The following SEMA3D variants were observed in gnomAD, a reference collection of about 807,000 sequenced individuals.
SEMA3D encodes the protein semaphorin 3D.
SEMA3D carries 84 observed loss-of-function variants against 100.1 expected under a neutral mutation model. The ratio of observed to expected loss-of-function variants is 0.84; its 90% CI spans 0.70 to 1.01. SEMA3D has a LOEUF of 1.01. Among genes scored for constraint, SEMA3D ranks in the 50% least tolerant of loss-of-function variants. The probability of loss-of-function intolerance (pLI) is 0.00; values close to 1 mark genes in which losing one functional copy is unlikely to be tolerated. For missense variants in SEMA3D, 875 were observed against 934.1 expected (o/e 0.94, Z 0.82); for synonymous variants, 312 against 320.7 (o/e 0.97, Z 0.29).
At chr7:85,137,629 T>A (rs1323681210) in intron 2 of SEMA3D, among the ~76,000 whole-genome samples, 1 of 152,132 alleles carries the variant, frequency 6.6e-6, no homozygotes, top group Non-Finnish European at 1.5e-5. Context: ...ACCCATAGAC[T>A]TCAATCCTGG....
chr7:85,042,393 A>T, intron 9 of SEMA3D, 108 bp from the exon 10 acceptor site: 2 of 763,812 alleles, frequency 2.6e-6, no homozygotes, highest in Non-Finnish European at 2.2e-6. Context: ...TTGTTTACAA[A>T]GACACTGAAC....
intron 17 of SEMA3D, among the ~76,000 whole-genome samples, chr7:85,012,116 C>CT (rs1789971841): frequency 6.6e-6 from 1 of 151,668 alleles, no homozygotes; most frequent in Admixed American, 6.6e-5. Context: ...CACTGGCCTT[C>CT]TCCTTCTTTC....
chr7:85,136,015 A>T (rs1272578012), intron 2 of SEMA3D, among the ~76,000 whole-genome samples: 1 of 152,098 alleles, frequency 6.6e-6, no homozygotes, highest in African/African-American at 2.4e-5. Flanking sequence ...TCCTAAATAA[A>T]TGCAAACCCA....
chr7:85,247,260 C>G, the SEMA3D span, among the ~76,000 whole-genome samples: 1 of 151,976 alleles, frequency 6.6e-6, no homozygotes, highest in African/African-American at 2.4e-5. Context: ...GAAGTAAATC[C>G]ACACACAGAA....
At position 85,150,347 on chromosome 7, in the gene SEMA3D, ATATATATATATATATATATAT is replaced by A. The variant is rs1583970041; in HGVS notation, c.-41+3240_-41+3260del. 3.7e-4 allele frequency among the ~76,000 whole-genome samples: 6 copies of A among 16,102 alleles called. No individual in the cohort carries two copies. In the South Asian group the frequency reaches 5.0e-3, roughly 13 times the overall value. 10.6% of individuals were successfully genotyped at this position (16,102 alleles called of 152,430 possible). On this transcript the variant is annotated intron_variant, in intron 2 of 18. Coordinates refer to ENST00000284136, the MANE Select transcript of SEMA3D (RefSeq NM_001384900.1). Reference sequence around the variant, plus strand: ...TTCTGTTCTAAATACTTTTCTAGAAATATATATATATATATATATATTATATATATATACACACACACATAT... The same window carrying A: ...TTCTGTTCTAAATACTTTTCTAGAAATATATATATATACACACACACATAT...
chr7:85,020,172 C>A, intron 14 of SEMA3D, 61 bp downstream of exon 14: 1 of 1,091,098 alleles, frequency 9.2e-7, no homozygotes, highest in South Asian at 1.3e-5. Flanking sequence ...CAAGGGTGCC[C>A]TATAACAAGC....
intron 17 of SEMA3D, among the ~76,000 whole-genome samples, chr7:85,011,486 A>G (rs1789951714): frequency 6.6e-6 from 1 of 151,778 alleles, no homozygotes; most frequent in African/African-American, 2.4e-5. Flanking sequence ...AAAATTTATC[A>G]TTTGACATAG....
chr7:85,053,494 T>C (rs1791224887), intron 9 of SEMA3D, among the ~76,000 whole-genome samples: 1 of 152,068 alleles, frequency 6.6e-6, no homozygotes, highest in East Asian at 1.9e-4. Context: ...AGGTCTTTTT[T>C]TGTTATTGCT....
chr7:85,172,644 G>A (rs1026593409), intron 1 of SEMA3D, among the ~76,000 whole-genome samples: 6 of 151,938 alleles, frequency 3.9e-5, no homozygotes, highest in African/African-American at 9.7e-5. Context: ...CTTCTGTTAG[G>A]CAACTTGATT....
chr7:85,247,874 T>C, the SEMA3D span, among the ~76,000 whole-genome samples: 2 of 152,174 alleles, frequency 1.3e-5, no homozygotes, highest in East Asian at 3.9e-4. Context: ...ACACAGACCT[T>C]ACCATGCAAA....
intron 12 of SEMA3D, among the ~76,000 whole-genome samples, chr7:85,027,306 C>G (rs1790417563): frequency 6.6e-6 from 1 of 151,526 alleles, no homozygotes; most frequent in African/African-American, 2.4e-5. Context: ...GACTGTCAGA[C>G]ACATCTACAC....
chr7:85,185,484 T>C (rs976396602), intron 1 of SEMA3D, among the ~76,000 whole-genome samples: 18 of 152,202 alleles, frequency 1.2e-4, no homozygotes, highest in African/African-American at 4.1e-4. Context: ...GTTTTGGTGA[T>C]GAAATAAGAG....
At chr7:85,241,471 A>G in the SEMA3D span, among the ~76,000 whole-genome samples, 334 of 117,950 alleles carry the variant, frequency 2.8e-3, 16 homozygotes, top group African/African-American at 4.7e-3. Context: ...GTGTGTGTAT[A>G]TATATATATA....
At chr7:85,105,551 ATATT>A (rs1309875895) in intron 3 of SEMA3D, among the ~76,000 whole-genome samples, 1 of 152,112 alleles carries the variant, frequency 6.6e-6, no homozygotes, top group Non-Finnish European at 1.5e-5. Context: ...TAAAGAAAAA[ATATT>A]AGTCAAATCT....
At chr7:85,134,851 T>G (rs1197176864) in intron 2 of SEMA3D, among the ~76,000 whole-genome samples, 5 of 152,044 alleles carry the variant, frequency 3.3e-5, no homozygotes, top group Non-Finnish European at 7.4e-5. Flanking sequence ...TCTCCCCAAG[T>G]GTCCAAGGAA....
the SEMA3D span, among the ~76,000 whole-genome samples, chr7:85,211,667 CAA>C: frequency 2.6e-5 from 4 of 151,998 alleles, no homozygotes; most frequent in East Asian, 7.7e-4. Context: ...TTGAACAACA[CAA>C]GTTTGAACTG....
Position 85,020,460 on chromosome 7 carries a change from G to A in SEMA3D, c.1415-139C>T, listed in dbSNP as rs1790224959. ...AAAACAGATTAAATGAAACATGCAT[G>A]AACTGAAGCTTAATGTTTAAGTTTT... On this transcript the variant is annotated intron_variant, in intron 13 of 18. Coordinates refer to ENST00000284136, the MANE Select transcript of SEMA3D (RefSeq NM_001384900.1). 9 of 627,256 alleles carry A rather than the reference G, an allele frequency of 1.4e-5. No individual in the cohort carries two copies. In the South Asian group the frequency reaches 1.8e-4, roughly 12 times the overall value. 38.9% of individuals were successfully genotyped at this position (627,256 alleles called of 1,614,324 possible).
chr7:85,029,082 C>T, intron 12 of SEMA3D: 1 of 551,772 alleles, frequency 1.8e-6, no homozygotes, highest in Non-Finnish European at 3.5e-6. Flanking sequence ...GTGATGCTAC[C>T]ATTCCTACCA....
intron 11 of SEMA3D, among the ~76,000 whole-genome samples, chr7:85,037,732 G>A (rs1790740831): frequency 1.3e-5 from 2 of 152,036 alleles, no homozygotes; most frequent in South Asian, 4.2e-4. Context: ...AAAGTATTAA[G>A]AGGCAAAAAA....
Sources: gnomAD v4.1 joint callset for allele counts (sites outside exome capture counted in the v4.1 genomes callset) on GRCh38, gnomAD v4.1.1 for gene constraint, MANE v1.5 for transcripts, NCBI Gene and HGNC (gene_info 2026-07-23, HGNC 2026-07-21) for gene names.